Variants in METTL24 observed in about 807,000 individuals in gnomAD.
METTL24 encodes probable methyltransferase-like protein 24.
In METTL24, 29 loss-of-function variants were observed where a neutral mutation model predicts 32.7. That is an observed-to-expected ratio of 0.89 (90% CI 0.66 to 1.21). METTL24 has a LOEUF of 1.21. Ranked by LOEUF, METTL24 falls within the 50% of genes most tolerant of loss-of-function variation. The pLI is 0.00. For synonymous variants in METTL24, 163 were observed against 179.5 expected, an observed-to-expected ratio of 0.91 and a Z score of 0.73; for missense variants, 439 against 468.1, an observed-to-expected ratio of 0.94 and a Z score of 0.57.
intron 1 of METTL24, among the ~76,000 whole-genome samples, chr6:110,327,946 G>A (rs1010413365): frequency 2.0e-5 from 3 of 152,200 alleles, no homozygotes; most frequent in Non-Finnish European, 2.9e-5. Context: ...AGGTGGGAAC[G>A]TGGATTCCCA....
chr6:110,295,013 CTTT>C (rs1195740747), intron 4 of METTL24, among the ~76,000 whole-genome samples: 4 of 78,128 alleles, frequency 5.1e-5, no homozygotes, highest in African/African-American at 1.1e-4. Flanking sequence ...TTCTTTCTTT[CTTT>C]TTTTTTTTTT....
chr6:110,263,575 C>T (rs1389819636), intron 4 of METTL24, among the ~76,000 whole-genome samples: 3 of 152,176 alleles, frequency 2.0e-5, no homozygotes, highest in Admixed American at 6.5e-5. Flanking sequence ...AATGCCATCC[C>T]CATCGAGCTA....
intron 3 of METTL24, among the ~76,000 whole-genome samples, chr6:110,302,574 C>CACATGTGTATATAT (rs1771546670): frequency 8.6e-6 from 1 of 116,228 alleles, no homozygotes; most frequent in African/African-American, 4.6e-5. Context: ...CACACATACA[C>CACATGTGTATATAT]ACACATATGT....
At chr6:110,333,554 A>C (rs778189732) in intron 1 of METTL24, among the ~76,000 whole-genome samples, 1 of 152,114 alleles carries the variant, frequency 6.6e-6, no homozygotes, top group Admixed American at 6.5e-5. Context: ...CCCAGATTCA[A>C]GTGATTTCTC....
intron 3 of METTL24, among the ~76,000 whole-genome samples, chr6:110,315,124 A>T (rs115117004): frequency 0.011 from 1,709 of 152,150 alleles, 17 homozygotes; most frequent in Middle Eastern, 0.017. Flanking sequence ...ACTTGCTATC[A>T]GCAGAATGGG....
intron 1 of METTL24, among the ~76,000 whole-genome samples, chr6:110,340,224 AG>A (rs1437071257): frequency 1.5e-5 from 1 of 66,718 alleles, no homozygotes; most frequent in Admixed American, 1.9e-4. Flanking sequence ...TGGGTTGCTG[AG>A]GGGCAGGGGC....
At position 110,358,155 on chromosome 6, in the gene METTL24, AC is replaced by A; in HGVS notation, c.117del (p.Ser40ProfsTer34). ...CCCGGCGGGGCGCTGCGGGTGGGGG[AC>A]CCGGGCCCGGCGCGCCGCAGCTCTG... ...LCAELRRAGP[G>X]SPTRSAPPGP... is the part of the protein sequence containing the mutation. On this transcript the variant is annotated frameshift_variant, in exon 1 of 5. Coordinates refer to ENST00000338882, the MANE Select transcript of METTL24 (RefSeq NM_001123364.3). LOFTEE classifies it high-confidence loss of function. The A allele has an allele frequency of 8.4e-7, 1 of 1,189,700 alleles. No individual in the cohort carries two copies. The highest frequency in any genetic ancestry group is 1.0e-6 in the Non-Finnish European group (1 of 962,862). The allele number at this position is 1,189,700 out of a possible 1,614,324, so 73.7% of individuals were successfully genotyped here.
intron 3 of METTL24, among the ~76,000 whole-genome samples, chr6:110,302,581 A>ACACG (rs1562230989): frequency 3.4e-5 from 4 of 117,470 alleles, no homozygotes; most frequent in African/African-American, 4.8e-5. Context: ...ACACACACAT[A>ACACG]TGTGTATATA....
At chr6:110,258,703 T>C (rs1778430494) in intron 4 of METTL24, among the ~76,000 whole-genome samples, 2 of 151,832 alleles carry the variant, frequency 1.3e-5, no homozygotes, top group South Asian at 4.1e-4. Flanking sequence ...AACCAAATAA[T>C]ATACTCAAGA....
chr6:110,315,043 G>T (rs567911346), intron 3 of METTL24, among the ~76,000 whole-genome samples: 3 of 151,304 alleles, frequency 2.0e-5, no homozygotes, highest in Admixed American at 6.6e-5. Flanking sequence ...TACTAAGGAT[G>T]CTCTTAGTCT....
chr6:110,324,129 C>A (rs56724015), intron 1 of METTL24, among the ~76,000 whole-genome samples: 1 of 152,032 alleles, frequency 6.6e-6, no homozygotes, highest in African/African-American at 2.4e-5. Flanking sequence ...TGAAGCCAGA[C>A]GGTCTGGGTT....
intron 4 of METTL24, among the ~76,000 whole-genome samples, chr6:110,284,802 T>C (rs942199489): frequency 6.6e-6 from 1 of 151,260 alleles, no homozygotes. Context: ...ATCTGTCTTC[T>C]GAGCTAGATG....
chr6:110,315,988 C>T (rs1360196824), intron 2 of METTL24, among the ~76,000 whole-genome samples: 1 of 152,140 alleles, frequency 6.6e-6, no homozygotes, highest in Non-Finnish European at 1.5e-5. Flanking sequence ...ATTAGCTATC[C>T]CTTATTTCAG....
chr6:110,254,007 G>C lies in METTL24; in HGVS notation c.787-7747C>G, dbSNP rs1032605121. On this transcript the variant is annotated intron_variant, in intron 4 of 4. Transcript: ENST00000338882. ...AGAGCAGCTCCCCTTTGATCTCCTT[G>C]ACATATTTGGAATCCCTCACAAATT... 8.0e-5 allele frequency: 101 copies of C among 1,270,076 alleles called. No homozygotes were observed. In the African/African-American group the frequency reaches 1.5e-3, roughly 18 times the overall value. 78.7% of individuals were successfully genotyped at this position (1,270,076 alleles called of 1,614,324 possible). A position where few individuals can be genotyped will look rare whatever the true frequency, so the allele number is the denominator to read the frequency against.
intron 4 of METTL24, among the ~76,000 whole-genome samples, chr6:110,289,481 T>A (rs1408484615): frequency 6.6e-6 from 1 of 151,530 alleles, no homozygotes; most frequent in Non-Finnish European, 1.5e-5. Context: ...AAAAATATAG[T>A]CTTTTTTTTT....
chr6:110,303,885 C>A (rs1005885935), intron 3 of METTL24, among the ~76,000 whole-genome samples: 1 of 152,202 alleles, frequency 6.6e-6, no homozygotes, highest in African/African-American at 2.4e-5. Flanking sequence ...CACCTCCCAG[C>A]AGGGGTCGAC....
chr6:110,317,838 T>G (rs963063165), intron 2 of METTL24, among the ~76,000 whole-genome samples: 2 of 151,824 alleles, frequency 1.3e-5, no homozygotes, highest in African/African-American at 4.8e-5. Flanking sequence ...TTCCTGGGCC[T>G]CCCTCCAGAT....
At chr6:110,268,063 A>G (rs1770890048) in intron 4 of METTL24, among the ~76,000 whole-genome samples, 1 of 152,220 alleles carries the variant, frequency 6.6e-6, no homozygotes, top group Non-Finnish European at 1.5e-5. Context: ...GGAAGGGACA[A>G]ACATCCAAAT....
chr6:110,288,658 A>G (rs1027367130), intron 4 of METTL24, among the ~76,000 whole-genome samples: 1 of 152,148 alleles, frequency 6.6e-6, no homozygotes, highest in African/African-American at 2.4e-5. Context: ...AGGGAGAGAG[A>G]GAGAAAAAGA....
Sources: gnomAD v4.1 joint callset for allele counts (sites outside exome capture counted in the v4.1 genomes callset) on GRCh38, gnomAD v4.1.1 for gene constraint, MANE v1.5 for transcripts, NCBI Gene and HGNC (gene_info 2026-07-23, HGNC 2026-07-21) for gene names.